CTNNA3: variants seen among roughly 807,000 people sequenced by gnomAD.
The protein encoded by CTNNA3 is catenin alpha 3.
A neutral mutation model predicts 95.7 loss-of-function variants in CTNNA3; 76 were observed. That is an observed-to-expected ratio of 0.79 (90% CI 0.66 to 0.96). The LOEUF is 0.96. Ranked by LOEUF, CTNNA3 falls within the 40% of genes least tolerant of loss-of-function variation. CTNNA3 has a pLI of 0.00. For synonymous variants in CTNNA3, 431 were observed against 374.4 expected, an observed-to-expected ratio of 1.15 and a Z score of -1.74; for missense variants, 1,191 against 1,089.8, an observed-to-expected ratio of 1.09 and a Z score of -1.31.
At chr10:66,853,453 C>T (rs1462136511) in intron 7 of CTNNA3, among the ~76,000 whole-genome samples, 2 of 152,056 alleles carry the variant, frequency 1.3e-5, no homozygotes, top group Non-Finnish European at 2.9e-5. Flanking sequence ...AACATGCAAG[C>T]ACATACTCAA....
At chr10:66,261,715 A>G (rs543551398) in intron 13 of CTNNA3, among the ~76,000 whole-genome samples, 1 of 152,130 alleles carries the variant, frequency 6.6e-6, no homozygotes, top group East Asian at 1.9e-4. Context: ...TGACATCAGA[A>G]TCATAAGGCT....
chr10:67,306,842 A>G (rs1302127467), intron 5 of CTNNA3, among the ~76,000 whole-genome samples: 1 of 152,144 alleles, frequency 6.6e-6, no homozygotes, highest in African/African-American at 2.4e-5. Context: ...CCATCCATCC[A>G]AGGTAAAACC....
rs143210222 is a variant in CTNNA3 at position 66,695,589 on chromosome 10, T to G, written c.1281+70675A>C. Among the ~76,000 whole-genome samples, 647 of 152,254 alleles carry G rather than the reference T, an allele frequency of 4.2e-3. 3 individuals carry two copies. The highest frequency in any genetic ancestry group is 0.014 in the Middle Eastern group (4 of 292). On this transcript the variant is annotated intron_variant, in intron 9 of 17. Transcript: ENST00000433211. Reference sequence around the variant, plus strand: ...GACACAGCTTCTCCCAGCAGCCTAGTAGTTGGTTGAAAATTGTTCTATATT... The same window carrying G: ...GACACAGCTTCTCCCAGCAGCCTAGGAGTTGGTTGAAAATTGTTCTATATT...
At chr10:67,740,175 T>A (rs1214061016) in intron 1 of CTNNA3, among the ~76,000 whole-genome samples, 1 of 152,134 alleles carries the variant, frequency 6.6e-6, no homozygotes, top group Non-Finnish European at 1.5e-5. Flanking sequence ...GATTAAAGAC[T>A]TAAACATTAG....
At chr10:65,992,394 A>C (rs117802322) in intron 15 of CTNNA3, among the ~76,000 whole-genome samples, 2,983 of 151,960 alleles carry the variant, frequency 0.02, 46 homozygotes, top group Non-Finnish European at 0.031. Context: ...CTTTTTCGGG[A>C]GTCTTTTTGT....
chr10:66,814,706 G>A (rs1400815941), intron 7 of CTNNA3, among the ~76,000 whole-genome samples: 1 of 152,132 alleles, frequency 6.6e-6, no homozygotes, highest in Non-Finnish European at 1.5e-5. Context: ...AGAGGTTGCA[G>A]TGAGCTGAGA....
Position 65,917,197 on chromosome 10 carries a change from CT to C in CTNNA3, c.*3132del, listed in dbSNP as rs553781444. 3 of 152,102 alleles carry C rather than the reference CT, an allele frequency of 2.0e-5. No individual in the cohort carries two copies. Among genetic ancestry groups the C allele is most frequent in the Admixed American group, 6.6e-5 (1 of 15,254 alleles). The allele number at this position is 152,102 out of a possible 1,614,324, so 9.4% of individuals were successfully genotyped here. A position where few individuals can be genotyped will look rare whatever the true frequency, so the allele number is the denominator to read the frequency against. On this transcript the variant is annotated 3_prime_UTR_variant, in exon 18 of 18. Coordinates refer to ENST00000433211, the MANE Select transcript of CTNNA3 (RefSeq NM_013266.4). ...CTTGTGAATGTGAAGGCTATATTGT[CT>C]TTTCTAATACATTTGCAATTTGCAC...
chr10:67,347,809 A>C (rs1357254144), intron 5 of CTNNA3, among the ~76,000 whole-genome samples: 1 of 149,224 alleles, frequency 6.7e-6, no homozygotes. Context: ...CATCAGATAG[A>C]AAGTAAAATT....
chr10:67,583,112 C>T (rs933069521), intron 3 of CTNNA3, among the ~76,000 whole-genome samples: 2 of 152,016 alleles, frequency 1.3e-5, no homozygotes, highest in Non-Finnish European at 2.9e-5. Flanking sequence ...ATGATGTTAG[C>T]TAGTTATTTT....
intron 17 of CTNNA3, among the ~76,000 whole-genome samples, chr10:65,941,204 C>A (rs929806692): frequency 2.0e-5 from 3 of 152,136 alleles, no homozygotes; most frequent in African/African-American, 7.2e-5. Context: ...CTATTATCCT[C>A]ATTTTACAGA....
At chr10:66,889,816 A>C (rs1167010236) in intron 7 of CTNNA3, among the ~76,000 whole-genome samples, 1 of 143,440 alleles carries the variant, frequency 7.0e-6, no homozygotes, top group Non-Finnish European at 1.5e-5. Context: ...TTTGAGACAG[A>C]GTCTTGCTCT....
At chr10:67,445,842 T>C (rs895596392) in intron 5 of CTNNA3, among the ~76,000 whole-genome samples, 8 of 152,160 alleles carry the variant, frequency 5.3e-5, no homozygotes, top group African/African-American at 1.7e-4. Flanking sequence ...TCATAGAATT[T>C]ATCATCTTGC....
At chr10:66,789,455 G>A (rs979419880) in intron 7 of CTNNA3, among the ~76,000 whole-genome samples, 47 of 152,144 alleles carry the variant, frequency 3.1e-4, no homozygotes, top group African/African-American at 1.1e-3. Context: ...GATTACAGGT[G>A]TGAGCCACTG....
At chr10:67,162,851 A>G (rs1360740731) in intron 7 of CTNNA3, among the ~76,000 whole-genome samples, 1 of 152,020 alleles carries the variant, frequency 6.6e-6, no homozygotes, top group Non-Finnish European at 1.5e-5. Context: ...AAGGGATTAT[A>G]CAAACAACTT....
chr10:67,246,134 T>C (rs1014830288), intron 5 of CTNNA3, among the ~76,000 whole-genome samples: 3 of 152,210 alleles, frequency 2.0e-5, no homozygotes, highest in African/African-American at 7.2e-5. Flanking sequence ...GCAAGTTGTA[T>C]TTAAAATCCA....
Position 67,219,752 on chromosome 10 carries a change from G to A in CTNNA3, c.698C>T (p.Ser233Phe), listed in dbSNP as rs1232010222. The change falls in exon 6 of 18, where the codon TCC becomes TTC. Residue 233 changes from serine (S) to phenylalanine (F), a missense_variant. Physicochemically the swap from Ser to Phe is radical, Grantham distance 155. Transcript: ENST00000433211. ...SACLEHSDVASLKASKDTVCE... is the reference protein window; with the variant it reads ...SACLEHSDVAFLKASKDTVCE... ...AACTGTGTCCTTGCTTGCTTTGAGG[G>A]AAGCAACATCAGAATGCTCCAAACA... 1 of 1,613,996 alleles carries A rather than the reference G, an allele frequency of 6.2e-7. No individual in the cohort carries two copies. Among genetic ancestry groups the A allele is most frequent in the African/African-American group, 1.3e-5 (1 of 74,998 alleles).
intron 1 of CTNNA3, among the ~76,000 whole-genome samples, chr10:67,722,464 C>A (rs766914113): frequency 1.1e-4 from 17 of 152,162 alleles, no homozygotes; most frequent in South Asian, 2.1e-4. Context: ...AATATACAAA[C>A]AATTCACAGC....
intron 7 of CTNNA3, among the ~76,000 whole-genome samples, chr10:67,150,064 T>G (rs1304816665): frequency 2.0e-5 from 3 of 152,176 alleles, no homozygotes; most frequent in African/African-American, 7.2e-5. Context: ...TATAGAAAGG[T>G]TATAAAAGAT....
intron 7 of CTNNA3, among the ~76,000 whole-genome samples, chr10:66,915,951 G>C (rs975931729): frequency 6.6e-6 from 1 of 151,988 alleles, no homozygotes; most frequent in African/African-American, 2.4e-5. Flanking sequence ...ATTTCACCAT[G>C]TTGGCCAGGA....
Sources: gnomAD v4.1 joint callset for allele counts (sites outside exome capture counted in the v4.1 genomes callset) on GRCh38, gnomAD v4.1.1 for gene constraint, MANE v1.5 for transcripts, NCBI Gene and HGNC (gene_info 2026-07-23, HGNC 2026-07-21) for gene names.